TUSC3: variants seen among roughly 807,000 people sequenced by gnomAD.
The protein encoded by TUSC3 is dolichyl-diphosphooligosaccharide--protein glycosyltransferase subunit TUSC3.
Under a neutral mutation model 44.8 loss-of-function variants are expected in TUSC3, and 45 were observed. The ratio of observed to expected loss-of-function variants is 1.00; its 90% CI spans 0.79 to 1.29. The LOEUF is 1.29. TUSC3 is among the 50% of genes most tolerant of loss of function. The pLI is 0.00. For synonymous variants in TUSC3, 212 were observed against 152.9 expected (o/e 1.39, Z -2.85); for missense variants, 519 against 437.9 (o/e 1.19, Z -1.65).
intron 2 of TUSC3, among the ~76,000 whole-genome samples, chr8:15,498,192 GTTTA>G (rs1312896911): frequency 6.6e-6 from 1 of 152,104 alleles, no homozygotes; most frequent in Non-Finnish European, 1.5e-5. Flanking sequence ...AAACAGATGA[GTTTA>G]TTTAGGAATG....
chr8:15,624,391 A>G (rs1805396500), intron 2 of TUSC3, among the ~76,000 whole-genome samples: 1 of 152,228 alleles, frequency 6.6e-6, no homozygotes, highest in Non-Finnish European at 1.5e-5. Context: ...AGAAACAGCC[A>G]AAATGTTTTC....
At chr8:15,694,010 C>A (rs1809036291) in intron 6 of TUSC3, among the ~76,000 whole-genome samples, 1 of 152,022 alleles carries the variant, frequency 6.6e-6, no homozygotes, top group South Asian at 2.1e-4. Flanking sequence ...GTTGAAATAG[C>A]CATTTTGTCT....
At chr8:15,552,142 T>C (rs1171050066) in intron 1 of TUSC3, among the ~76,000 whole-genome samples, 4 of 151,788 alleles carry the variant, frequency 2.6e-5, no homozygotes, top group Non-Finnish European at 5.9e-5. Flanking sequence ...TTATGTACCT[T>C]TTGATGATTT....
intron 1 of TUSC3, among the ~76,000 whole-genome samples, chr8:15,477,572 A>T (rs971489410): frequency 6.6e-6 from 1 of 152,020 alleles, no homozygotes. Context: ...AATACAAAAA[A>T]TTAGCCAAGT....
the TUSC3 span, among the ~76,000 whole-genome samples, chr8:15,778,067 G>A: frequency 6.7e-6 from 1 of 149,146 alleles, no homozygotes; most frequent in Non-Finnish European, 1.5e-5. Context: ...TTCAATCTGA[G>A]TGACATCAGA....
chr8:15,449,879 C>T (rs556537503), intron 1 of TUSC3, among the ~76,000 whole-genome samples: 7 of 152,154 alleles, frequency 4.6e-5, no homozygotes, highest in African/African-American at 7.2e-5. Flanking sequence ...TGTCTAGATA[C>T]ATAAATATCT....
At chr8:15,730,642 A>G (rs773839631) in intron 6 of TUSC3, 24 bp from the exon 7 acceptor site, 2 of 1,611,188 alleles carry the variant, frequency 1.2e-6, no homozygotes, top group Non-Finnish European at 1.7e-6. Flanking sequence ...TCAGACTGTA[A>G]TTTCTGTTTG....
At chr8:15,487,856 C>G (rs1379354585) in intron 2 of TUSC3, among the ~76,000 whole-genome samples, 1 of 149,380 alleles carries the variant, frequency 6.7e-6, no homozygotes, top group East Asian at 2.0e-4. Context: ...TTTATTATCT[C>G]GTTTTACTTT....
Position 15,662,316 on chromosome 8 carries a change from T to G in TUSC3, c.708+20T>G. 6.2e-7 allele frequency: 1 copy of G among 1,611,716 alleles called. No homozygotes were observed. The stretch of plus-strand genomic sequence containing the variant: ...TCTCTGGTATGTTAATACATTGTGC[T>G]TTTTTTATTTCCTGTTCTTTGTGTA... On this transcript the variant is annotated intron_variant, in intron 5 of 10. Coordinates refer to ENST00000503731, the MANE Select transcript of TUSC3 (RefSeq NM_006765.4).
intron 1 of TUSC3, among the ~76,000 whole-genome samples, chr8:15,442,569 C>T (rs1800035474): frequency 6.6e-6 from 1 of 152,048 alleles, no homozygotes; most frequent in African/African-American, 2.4e-5. Flanking sequence ...GAGGAACATG[C>T]ACAATATTAA....
intron 1 of TUSC3, among the ~76,000 whole-genome samples, chr8:15,425,243 A>G (rs932552944): frequency 2.0e-5 from 3 of 152,204 alleles, no homozygotes; most frequent in Admixed American, 6.5e-5. Context: ...AAAAATGACA[A>G]AGCACTATTC....
Position 15,638,948 on chromosome 8 carries a change from T to TTGGA in TUSC3, c.309-11749_309-11748insTGGA, listed in dbSNP as rs1476819253. On this transcript the variant is annotated intron_variant, in intron 2 of 10. Transcript: ENST00000503731. Reference sequence around the variant, plus strand: ...GCTAGATCACGTGATGTTCAGAGCTTCAGTGATGATGATCATGTGTCGATG... The same window carrying TTGGA: ...GCTAGATCACGTGATGTTCAGAGCTTTGGACAGTGATGATGATCATGTGTCGATG... 2.8e-4 allele frequency among the ~76,000 whole-genome samples: 43 copies of TTGGA among 151,118 alleles called. No individual in the cohort carries two copies. In the East Asian group the frequency reaches 4.2e-3, roughly 15 times the overall value.
Position 15,728,303 on chromosome 8 carries a change from AGAT to A in TUSC3, c.799-2357_799-2355del, listed in dbSNP as rs532915392. Among the ~76,000 whole-genome samples the A allele has an allele frequency of 4.3e-4, 65 of 152,248 alleles. 1 individual carries two copies. The highest frequency in any genetic ancestry group is 3.4e-3 in the Middle Eastern group (1 of 294). Reference sequence around the variant, plus strand: ...AGGCTATTGCAATCATCTAGGCAAGAGATGATGAGTGGCTGGATCAGACAAATC... The same window carrying A: ...AGGCTATTGCAATCATCTAGGCAAGAGATGAGTGGCTGGATCAGACAAATC... On this transcript the variant is annotated intron_variant, in intron 6 of 10. Transcript: ENST00000503731.
intron 1 of TUSC3, among the ~76,000 whole-genome samples, chr8:15,567,572 T>G (rs1802723486): frequency 6.6e-6 from 1 of 152,150 alleles, no homozygotes; most frequent in South Asian, 2.1e-4. Flanking sequence ...CCTGAGTAGC[T>G]CTCTTGTATC....
chr8:15,766,823 G>T (rs954641042), downstream of TUSC3, among the ~76,000 whole-genome samples: 27 of 152,092 alleles, frequency 1.8e-4, no homozygotes, highest in African/African-American at 6.3e-4. Context: ...TACGTGAAGG[G>T]AGTGGTTATT....
chr8:15,607,396 T>C lies in TUSC3; in HGVS notation c.139-15684T>C, dbSNP rs563979332. Among the ~76,000 whole-genome samples, 92 of 152,176 alleles carry C rather than the reference T, an allele frequency of 6.0e-4. 2 individuals are homozygous for C. Among genetic ancestry groups the C allele is most frequent in the Non-Finnish European group, 8.7e-4 (59 of 68,032 alleles). On this transcript the variant is annotated intron_variant, in intron 1 of 10. Coordinates refer to ENST00000503731, the MANE Select transcript of TUSC3 (RefSeq NM_006765.4). ...TCAACTCCTTTACAAACTACAGTTA[T>C]AATACATTTGTAAAGTGTGTGTATA... is the stretch of plus-strand genomic sequence containing the variant.
intron 10 of TUSC3, among the ~76,000 whole-genome samples, chr8:15,759,562 C>G (rs1255489013): frequency 1.3e-5 from 2 of 152,028 alleles, no homozygotes; most frequent in East Asian, 1.9e-4. Context: ...AAGGAACAAA[C>G]AAGCTTTTGA....
intron 1 of TUSC3, among the ~76,000 whole-genome samples, chr8:15,606,478 T>TA (rs1223615960): frequency 6.6e-6 from 1 of 152,078 alleles, no homozygotes; most frequent in African/African-American, 2.4e-5. Context: ...GCCCCTAACC[T>TA]TCCCATTGTT....
chr8:15,837,233 A>G, the TUSC3 span, among the ~76,000 whole-genome samples: 9 of 151,684 alleles, frequency 5.9e-5, no homozygotes, highest in South Asian at 2.1e-4. Context: ...TTTTTAAAAA[A>G]TCACGTAACT....
Sources: allele counts gnomAD v4.1 joint callset (sites outside exome capture counted in the v4.1 genomes callset), GRCh38; gene constraint gnomAD v4.1.1; transcripts MANE v1.5; gene names NCBI Gene and HGNC (gene_info 2026-07-23, HGNC 2026-07-21).